EPHB1: variants seen among roughly 807,000 people sequenced by gnomAD.
EPHB1 encodes ephrin type-B receptor 1.
Under a neutral mutation model 94.4 loss-of-function variants are expected in EPHB1, and 30 were observed. The observed-to-expected ratio is 0.32, with a 90% confidence interval of 0.24 to 0.43. The LOEUF is 0.43. Ranked by LOEUF, EPHB1 falls within the 20% of genes least tolerant of loss-of-function variation. The probability of loss-of-function intolerance (pLI) is 1.00; values close to 1 mark genes in which losing one functional copy is unlikely to be tolerated. For missense variants in EPHB1, 1,055 were observed against 1,308.3 expected (o/e 0.81, Z 2.99); for synonymous variants, 522 against 489.1 (o/e 1.07, Z -0.89).
intron 3 of EPHB1, among the ~76,000 whole-genome samples, chr3:135,052,961 GTATA>G (rs1462492515): frequency 1.8e-5 from 2 of 109,506 alleles, no homozygotes; most frequent in South Asian, 6.5e-4. Context: ...ATATATGTGT[GTATA>G]TATATGTGTA....
At chr3:134,850,742 G>C (rs563447857) in intron 1 of EPHB1, among the ~76,000 whole-genome samples, 2 of 152,252 alleles carry the variant, frequency 1.3e-5, no homozygotes, top group Non-Finnish European at 2.9e-5. Flanking sequence ...CTGCTCCCAT[G>C]CTGGCTGTGA....
At chr3:134,962,006 G>A (rs1048090577) in intron 3 of EPHB1, among the ~76,000 whole-genome samples, 1 of 152,144 alleles carries the variant, frequency 6.6e-6, no homozygotes, top group African/African-American at 2.4e-5. Context: ...AAGTAAAATT[G>A]CTGAATAAGA....
chr3:135,175,015 A>T lies in EPHB1; in HGVS notation c.1760-4845A>T, dbSNP rs191663981. ...GTGGGTATTCGTGATCTCCACTAAG[A>T]TGTCCACGGTATTGATTTTGTACTT... On this transcript the variant is annotated intron_variant, in intron 9 of 15. Transcript: ENST00000398015. Among the ~76,000 whole-genome samples, 3 of 152,256 alleles carry T rather than the reference A, an allele frequency of 2.0e-5. No homozygotes were observed. In the East Asian group the frequency reaches 5.8e-4, roughly 29 times the overall value.
intron 3 of EPHB1, among the ~76,000 whole-genome samples, chr3:134,975,402 A>G (rs1055371118): frequency 5.3e-5 from 8 of 152,166 alleles, no homozygotes; most frequent in African/African-American, 1.9e-4. Flanking sequence ...CAAAACAGAA[A>G]TACTATAGGC....
intron 1 of EPHB1, among the ~76,000 whole-genome samples, chr3:134,807,414 C>T (rs1487807918): frequency 7.9e-5 from 12 of 151,652 alleles, no homozygotes; most frequent in Admixed American, 7.9e-4. Context: ...CTGATGGATG[C>T]GGTATAGCAG....
intron 3 of EPHB1, among the ~76,000 whole-genome samples, chr3:135,094,897 C>T (rs1454462958): frequency 6.6e-6 from 1 of 152,198 alleles, no homozygotes; most frequent in Non-Finnish European, 1.5e-5. Context: ...GTCCAGAAGG[C>T]TCTTCTGGCC....
At chr3:134,897,563 T>C (rs1234607824) in intron 1 of EPHB1, among the ~76,000 whole-genome samples, 1 of 152,196 alleles carries the variant, frequency 6.6e-6, no homozygotes, top group African/African-American at 2.4e-5. Flanking sequence ...CCACAGCTCA[T>C]CCACAACTCA....
At chr3:135,254,143 A>G (rs28796885) in intron 15 of EPHB1, among the ~76,000 whole-genome samples, 5,033 of 87,588 alleles carry the variant, frequency 0.057, 134 homozygotes, top group Middle Eastern at 0.13. Flanking sequence ...TAGATATACA[A>G]TCATGTCATC....
chr3:135,042,522 C>G (rs1312430727), intron 3 of EPHB1, among the ~76,000 whole-genome samples: 2 of 152,180 alleles, frequency 1.3e-5, no homozygotes, highest in African/African-American at 4.8e-5. Flanking sequence ...AATTCCAGCT[C>G]AACTGAGTGT....
At chr3:134,840,324 G>A (rs953125389) in intron 1 of EPHB1, 3 of 152,186 alleles carry the variant, frequency 2.0e-5, no homozygotes, top group South Asian at 2.1e-4. Context: ...GTTGCCTGGT[G>A]GGGACCCTGT....
chr3:135,169,735 T>G (rs1368268906), intron 9 of EPHB1, among the ~76,000 whole-genome samples: 2 of 152,180 alleles, frequency 1.3e-5, no homozygotes, highest in African/African-American at 4.8e-5. Flanking sequence ...GCAGCTCTCT[T>G]AAACTCATTG....
intron 2 of EPHB1, among the ~76,000 whole-genome samples, chr3:134,926,684 C>T (rs1179562159): frequency 6.6e-6 from 1 of 151,978 alleles, no homozygotes; most frequent in Admixed American, 6.6e-5. Context: ...GGAAGGGTGG[C>T]GATGGACTGT....
At chr3:135,106,675 A>C (rs894807666) in intron 4 of EPHB1, 72 bp downstream of exon 4, 7 of 1,571,870 alleles carry the variant, frequency 4.5e-6, no homozygotes, top group African/African-American at 1.3e-5. Flanking sequence ...GTCTGGGGCA[A>C]GGAAGAGAAG....
chr3:135,213,418 C>T (rs747537173), intron 12 of EPHB1, among the ~76,000 whole-genome samples: 1 of 152,196 alleles, frequency 6.6e-6, no homozygotes, highest in Admixed American at 6.5e-5. Context: ...TTCTGAATGT[C>T]GTTATGTGTG....
At chr3:135,029,094 C>G (rs372206630) in intron 3 of EPHB1, among the ~76,000 whole-genome samples, 9 of 106,516 alleles carry the variant, frequency 8.4e-5, no homozygotes, top group Middle Eastern at 4.3e-3. Context: ...CTTCCTCCAT[C>G]CTTTTATTTT....
chr3:134,912,188 TGA>T (rs2038469042), intron 1 of EPHB1, among the ~76,000 whole-genome samples: 1 of 152,160 alleles, frequency 6.6e-6, no homozygotes, highest in Non-Finnish European at 1.5e-5. Context: ...CCTCATGAAG[TGA>T]GAGGCCTTCT....
chr3:135,010,304 C>G (rs1935574183), intron 3 of EPHB1, among the ~76,000 whole-genome samples: 1 of 152,118 alleles, frequency 6.6e-6, no homozygotes, highest in African/African-American at 2.4e-5. Context: ...TCCCCCTACT[C>G]TGGATTTCTT....
chr3:135,227,137 T>C (rs1943421931), intron 12 of EPHB1, among the ~76,000 whole-genome samples: 1 of 152,112 alleles, frequency 6.6e-6, no homozygotes, highest in African/African-American at 2.4e-5. Context: ...TAAAATCATC[T>C]AAAATAAAAT....
At chr3:134,885,417 G>C (rs2037842853) in intron 1 of EPHB1, among the ~76,000 whole-genome samples, 1 of 152,190 alleles carries the variant, frequency 6.6e-6, no homozygotes, top group Admixed American at 6.5e-5. Flanking sequence ...TCTCTCCCTA[G>C]TCTTCACCCC....
Sources: gnomAD v4.1 joint callset for allele counts (sites outside exome capture counted in the v4.1 genomes callset) on GRCh38, gnomAD v4.1.1 for gene constraint, MANE v1.5 for transcripts, NCBI Gene and HGNC (gene_info 2026-07-23, HGNC 2026-07-21) for gene names.